Variants in ZNF334 observed in about 807,000 individuals in gnomAD.
ZNF334 encodes the protein zinc finger protein 334.
Under a neutral mutation model 12.4 loss-of-function variants are expected in ZNF334, and 14 were observed. That is an observed-to-expected ratio of 1.13 (90% CI 0.74 to 1.76). ZNF334 has a LOEUF of 1.76. Among genes scored for constraint, ZNF334 ranks in the 40% most tolerant of loss-of-function variants. The probability of loss-of-function intolerance (pLI) is 0.00; values close to 1 mark genes in which losing one functional copy is unlikely to be tolerated. For synonymous variants in ZNF334, 273 were observed against 269.6 expected (o/e 1.01, Z -0.12); for missense variants, 797 against 804.5 (o/e 0.99, Z 0.11).
the ZNF334 span, chr20:46,464,885 A>G: frequency 1.9e-6 from 1 of 530,678 alleles, no homozygotes; most frequent in Non-Finnish European, 3.9e-6. Context: ...CGGTCCAACT[A>G]TGAATGAGAG....
At chr20:46,495,788 CATCT>C (rs10588136), downstream of ZNF334, among the ~76,000 whole-genome samples, 6,477 of 152,238 alleles carry the variant, frequency 0.043, 358 homozygotes, top group African/African-American at 0.13. Flanking sequence ...GGCCCAGACT[CATCT>C]ATCTCCCGAC....
the ZNF334 span, among the ~76,000 whole-genome samples, chr20:46,488,417 T>TATTA: frequency 1.0e-5 from 1 of 98,016 alleles, no homozygotes; most frequent in African/African-American, 5.3e-5. Context: ...GTAGCTCTTA[T>TATTA]TTTATATATA....
chr20:46,494,997 T>C (rs577903737), downstream of ZNF334, among the ~76,000 whole-genome samples: 1 of 152,306 alleles, frequency 6.6e-6, no homozygotes, highest in South Asian at 2.1e-4. Context: ...ATTCATAACA[T>C]TCTCATTGGA....
the ZNF334 span, among the ~76,000 whole-genome samples, chr20:46,471,052 G>A: frequency 1.3e-5 from 2 of 152,172 alleles, no homozygotes; most frequent in African/African-American, 4.8e-5. Flanking sequence ...TCTGGAAATT[G>A]TAAAAATACA....
chr20:46,476,075 A>C, the ZNF334 span, among the ~76,000 whole-genome samples: 1 of 152,348 alleles, frequency 6.6e-6, no homozygotes, highest in Non-Finnish European at 1.5e-5. Flanking sequence ...CAATAACAAG[A>C]AGCAAATTAT....
chr20:46,474,587 T>C, the ZNF334 span: 1 of 152,194 alleles, frequency 6.6e-6, no homozygotes, highest in Non-Finnish European at 1.5e-5. Context: ...AATCCACATC[T>C]GTAGGAGTTT....
At chr20:46,493,107 T>C in the ZNF334 span, among the ~76,000 whole-genome samples, 1 of 135,460 alleles carries the variant, frequency 7.4e-6, no homozygotes, top group South Asian at 2.1e-4. Context: ...AAAAAAAAAC[T>C]GTTAAATGTA....
Position 46,500,923 on chromosome 20 carries a change from T to C in ZNF334, c.*373A>G. 1 of 190,644 alleles carries C rather than the reference T, an allele frequency of 5.2e-6. No homozygotes were observed. The highest frequency in any genetic ancestry group is 2.6e-3 in the Middle Eastern group (1 of 386). 11.8% of individuals were successfully genotyped at this position (190,644 alleles called of 1,614,324 possible). On this transcript the variant is annotated 3_prime_UTR_variant, in exon 5 of 5. Coordinates refer to ENST00000692313, the MANE Select transcript of ZNF334 (RefSeq NM_001353824.2). The stretch of plus-strand genomic sequence containing the variant: ...CTTACTCAACTATCAAACAATGGTA[T>C]TGATTTGAAATGAAGGTCAGATCCT...
At chr20:46,493,401 C>G in the ZNF334 span, among the ~76,000 whole-genome samples, 1 of 152,174 alleles carries the variant, frequency 6.6e-6, no homozygotes, top group African/African-American at 2.4e-5. Context: ...AAAAGCTGAT[C>G]ATGGATCTGA....
rs760447176 is a variant in ZNF334 at position 46,502,241 on chromosome 20, TACA to T, written c.1095_1097del (p.Val366del). On this transcript the variant is annotated inframe_deletion, in exon 5 of 5. Transcript: ENST00000692313. ...TCTCTCCTCTGTGAGTTCTTTGATG[TACA>T]ACAAGATACGATTTCTTGCTGAAGG... 2.5e-6 allele frequency: 4 copies of T among 1,613,974 alleles called. No homozygotes were observed. Among genetic ancestry groups the T allele is most frequent in the South Asian group, 1.1e-5 (1 of 91,076 alleles).
At chr20:46,472,105 G>A in the ZNF334 span, among the ~76,000 whole-genome samples, 2 of 152,130 alleles carry the variant, frequency 1.3e-5, no homozygotes, top group Admixed American at 1.3e-4. Context: ...CCCTCCAAGT[G>A]TCCACTCATG....
At chr20:46,467,432 T>C in the ZNF334 span, among the ~76,000 whole-genome samples, 1 of 152,220 alleles carries the variant, frequency 6.6e-6, no homozygotes, top group Non-Finnish European at 1.5e-5. Context: ...TGCCAGGATT[T>C]TGTTTACAAA....
chr20:46,463,863 G>C, the ZNF334 span: 1 of 424,468 alleles, frequency 2.4e-6, no homozygotes, highest in Non-Finnish European at 4.8e-6. Flanking sequence ...TCTGAGGTCA[G>C]CAGGCCAGTT....
At chr20:46,505,835 T>C (rs962938717) in intron 2 of ZNF334, 17 of 153,114 alleles carry the variant, frequency 1.1e-4, no homozygotes, top group African/African-American at 4.1e-4. Context: ...TCTAGAAAAA[T>C]GGAAACTGGC....
At chr20:46,464,622 ACT>A in the ZNF334 span, 1 of 414,062 alleles carries the variant, frequency 2.4e-6, no homozygotes, top group South Asian at 2.0e-5. Flanking sequence ...TGATCACATG[ACT>A]CTCTGTGGAG....
At chr20:46,495,065 C>G (rs2060999147), downstream of ZNF334, among the ~76,000 whole-genome samples, 1 of 152,046 alleles carries the variant, frequency 6.6e-6, no homozygotes, top group Non-Finnish European at 1.5e-5. Flanking sequence ...AATCACATAA[C>G]AGTTCTATTG....
rs774775513 is a variant in ZNF334, at chr20:46,501,749, T to A, written c.1590A>T (p.Ser530=). The stretch of plus-strand genomic sequence containing the variant: ...TAGTTCTCTGATGTACAATGAGGTG[T>A]GAGTTTTTGCTGACGGCATGCCCAT... ...SEHGHAVSKN[S]HLIVHQRTIW... is the part of the protein sequence containing the mutation. The change falls in exon 5 of 5, where the codon TCA becomes TCT. Residue 530 remains serine (S), a synonymous_variant. Coordinates refer to ENST00000692313, the MANE Select transcript of ZNF334 (RefSeq NM_001353824.2). The A allele has an allele frequency of 1.2e-6, 2 of 1,614,042 alleles. No individual in the cohort carries two copies. The highest frequency in any genetic ancestry group is 4.5e-5 in the East Asian group (2 of 44,890).
At chr20:46,463,573 A>G in the ZNF334 span, 1 of 163,310 alleles carries the variant, frequency 6.1e-6, no homozygotes, top group Non-Finnish European at 1.3e-5. Context: ...GGTCCTCAAA[A>G]TGAGCGTGCA....
chr20:46,481,046 G>C, the ZNF334 span: 1 of 152,344 alleles, frequency 6.6e-6, no homozygotes, highest in Non-Finnish European at 1.5e-5. Flanking sequence ...AGGGGTTGGA[G>C]TACCTGTTCT....
Sources: gnomAD v4.1 joint callset for allele counts (sites outside exome capture counted in the v4.1 genomes callset) on GRCh38, gnomAD v4.1.1 for gene constraint, MANE v1.5 for transcripts, NCBI Gene and HGNC (gene_info 2026-07-23, HGNC 2026-07-21) for gene names.